Variants in EEF1AKMT3 observed in about 807,000 individuals in gnomAD.
The protein encoded by EEF1AKMT3 is eEF1A-KMT3.
Under a neutral mutation model 17.8 loss-of-function variants are expected in EEF1AKMT3, and 17 were observed. The observed-to-expected ratio is 0.96, with a 90% confidence interval of 0.65 to 1.43. The LOEUF (loss-of-function observed/expected upper bound fraction) is 1.43. Among genes scored for constraint, EEF1AKMT3 ranks in the 40% most tolerant of loss-of-function variants. EEF1AKMT3 has a pLI of 0.00. For missense variants in EEF1AKMT3, 244 were observed against 285.8 expected, an observed-to-expected ratio of 0.85 and a Z score of 1.06; for synonymous variants, 116 against 126.5, an observed-to-expected ratio of 0.92 and a Z score of 0.56.
chr12:57,773,450 G>A (rs1441980174), intron 2 of EEF1AKMT3, among the ~76,000 whole-genome samples: 1 of 150,984 alleles, frequency 6.6e-6, no homozygotes, highest in Non-Finnish European at 1.5e-5. Context: ...TTTTTGAGAC[G>A]GAGTCTCACT....
rs1033323624 is a variant in EEF1AKMT3, at chr12:57,778,107, T to G, written c.290-2148T>G. 2.6e-5 allele frequency among the ~76,000 whole-genome samples: 4 copies of G among 151,612 alleles called. 1 individual carries two copies. The highest frequency in any genetic ancestry group is 5.9e-5 in the Non-Finnish European group (4 of 67,936). On this transcript the variant is annotated intron_variant, in intron 2 of 2. Coordinates refer to ENST00000300209, the MANE Select transcript of EEF1AKMT3 (RefSeq NM_015433.3). ...CTCCAGACTTGCTTGCATAACCTAG[T>G]GCCTACTCAGTATCTTCATGTGGTT...
At position 57,780,568 on chromosome 12, in the gene EEF1AKMT3, A is replaced by G. The variant is rs963689903; in HGVS notation, c.603A>G (p.Gln201=). 9.9e-6 allele frequency: 16 copies of G among 1,613,758 alleles called. No individual in the cohort carries two copies. Among genetic ancestry groups the G allele is most frequent in the African/African-American group, 1.3e-5 (1 of 74,910 alleles). Residue 201 remains glutamine (Q), a synonymous_variant, in exon 3 of 3, where the codon CAA becomes CAG. Transcript: ENST00000300209. ...AGCACCTCCTGCCCCAGCATTTCCA[A>G]CTGGAGCTGGCTCAGCGGGATGAGG... The part of the protein sequence containing the change: ...FFQHLLPQHF[Q]LELAQRDEDE...
rs1314298730 is a variant in EEF1AKMT3, at chr12:57,781,740, C to T, written c.*1094C>T. 1 of 151,986 alleles carries T rather than the reference C, an allele frequency of 6.6e-6. No individual in the cohort carries two copies. The highest frequency in any genetic ancestry group is 2.4e-5 in the African/African-American group (1 of 41,324). The allele number at this position is 151,986 out of a possible 1,614,324, so 9.4% of individuals were successfully genotyped here. A position where few individuals can be genotyped will look rare whatever the true frequency, so the allele number is the denominator to read the frequency against. On this transcript the variant is annotated 3_prime_UTR_variant, in exon 3 of 3. Transcript: ENST00000300209. ...TAACACAGTTCCTAATGTGTTTTGC[C>T]TTAACCTCTTTTCTCTTCCCACATT...
At chr12:57,773,262 T>TAAAAA in intron 2 of EEF1AKMT3, 134 bp downstream of exon 2, 2 of 836,526 alleles carry the variant, frequency 2.4e-6, no homozygotes, top group Non-Finnish European at 3.7e-6. Context: ...AATTTTTTTT[T>TAAAAA]AAAATTTGTT....
chr12:57,777,250 A>G (rs1955486041), intron 2 of EEF1AKMT3, among the ~76,000 whole-genome samples: 1 of 152,206 alleles, frequency 6.6e-6, no homozygotes, highest in South Asian at 2.1e-4. Context: ...TAAAATGCAT[A>G]TAAATATGCT....
chr12:57,775,341 T>C (rs1483322785), intron 2 of EEF1AKMT3, among the ~76,000 whole-genome samples: 1 of 151,786 alleles, frequency 6.6e-6, no homozygotes, highest in African/African-American at 2.4e-5. Flanking sequence ...TCCCCTCACA[T>C]TCCAGCAATC....
intron 2 of EEF1AKMT3, among the ~76,000 whole-genome samples, chr12:57,773,804 C>T (rs1463495024): frequency 6.6e-6 from 1 of 152,196 alleles, no homozygotes; most frequent in African/African-American, 2.4e-5. Flanking sequence ...TCAAGATGCA[C>T]ATATGGGGGT....
intron 2 of EEF1AKMT3, among the ~76,000 whole-genome samples, chr12:57,777,944 G>C (rs973764209): frequency 6.6e-6 from 1 of 151,608 alleles, no homozygotes; most frequent in African/African-American, 2.4e-5. Flanking sequence ...GCTTAAACCT[G>C]GGAGGCGGAG....
chr12:57,779,666 G>A (rs1955500351), intron 2 of EEF1AKMT3, among the ~76,000 whole-genome samples: 3 of 83,146 alleles, frequency 3.6e-5, no homozygotes, highest in Admixed American at 1.2e-4. Context: ...ATCTTCACCC[G>A]TTTCTGCCCT....
At chr12:57,775,496 C>T (rs1022447199) in intron 2 of EEF1AKMT3, among the ~76,000 whole-genome samples, 1 of 152,088 alleles carries the variant, frequency 6.6e-6, no homozygotes, top group Non-Finnish European at 1.5e-5. Flanking sequence ...ATTCTCCTGC[C>T]TCAGCCTCCC....
At chr12:57,775,846 A>G (rs1475447182) in intron 2 of EEF1AKMT3, among the ~76,000 whole-genome samples, 2 of 152,138 alleles carry the variant, frequency 1.3e-5, no homozygotes, top group African/African-American at 4.8e-5. Context: ...TGGGAAACCT[A>G]GACATCACCT....
intron 2 of EEF1AKMT3, among the ~76,000 whole-genome samples, chr12:57,778,005 G>A (rs1193557624): frequency 6.8e-6 from 1 of 146,444 alleles, no homozygotes; most frequent in Admixed American, 6.9e-5. Context: ...GGCAACAAGT[G>A]CGAGACTCCA....
Position 57,772,713 on chromosome 12 carries a change from T to G in EEF1AKMT3, c.-12T>G, listed in dbSNP as rs965554490. ...CCGGCCGCGGTGCCCAGGCACTCCC[T>G]TGGCGGGCCGGATGGCGGACCCCGG... On this transcript the variant is annotated 5_prime_UTR_variant, in exon 1 of 3. Transcript: ENST00000300209. The surrounding 1 kb of genome is among the most constrained non-coding windows in gnomAD (Gnocchi z 4.1). 40 of 1,610,216 alleles carry G rather than the reference T, an allele frequency of 2.5e-5. No individual in the cohort carries two copies. The highest frequency in any genetic ancestry group is 3.2e-5 in the Non-Finnish European group (38 of 1,177,990).
At chr12:57,777,692 C>T (rs1340327590) in intron 2 of EEF1AKMT3, among the ~76,000 whole-genome samples, 1 of 152,194 alleles carries the variant, frequency 6.6e-6, no homozygotes, top group African/African-American at 2.4e-5. Context: ...TTGTCTACCT[C>T]ACTCCTGAGC....
chr12:57,776,842 G>A (rs977657311), intron 2 of EEF1AKMT3, among the ~76,000 whole-genome samples: 9 of 151,940 alleles, frequency 5.9e-5, no homozygotes, highest in African/African-American at 2.2e-4. Flanking sequence ...GTAGAGATGG[G>A]GTTTCACCAT....
rs370770818 is a variant in EEF1AKMT3 at position 57,780,394 on chromosome 12, C to G, written c.429C>G (p.Asn143Lys). The G allele has an allele frequency of 2.9e-5, 47 of 1,614,128 alleles. No homozygotes were observed. Among genetic ancestry groups the G allele is most frequent in the Non-Finnish European group, 3.9e-5 (46 of 1,180,052 alleles). The change falls in exon 3 of 3, where the codon AAC becomes AAG. Residue 143 changes from asparagine to lysine, a missense_variant. Coordinates refer to ENST00000300209, the MANE Select transcript of EEF1AKMT3 (RefSeq NM_015433.3). Reference protein sequence around the residue: ...WGIDHHVFPANYDLVLGADIV... With the variant: ...WGIDHHVFPAKYDLVLGADIV... ...TTGACCATCATGTCTTCCCTGCAAA[C>G]TATGACCTGGTGCTGGGGGCTGATA... is the stretch of plus-strand genomic sequence containing the variant.
chr12:57,773,376 C>G (rs1469570713), intron 2 of EEF1AKMT3, among the ~76,000 whole-genome samples: 2 of 151,764 alleles, frequency 1.3e-5, no homozygotes, highest in Non-Finnish European at 2.9e-5. Flanking sequence ...AAAACTCAGG[C>G]AGGCCTATAA....
intron 2 of EEF1AKMT3, among the ~76,000 whole-genome samples, chr12:57,775,973 C>T (rs187040055): frequency 5.9e-5 from 9 of 152,318 alleles, no homozygotes; most frequent in African/African-American, 1.7e-4. Flanking sequence ...CAAACCACCA[C>T]GATCACTTGC....
intron 2 of EEF1AKMT3, among the ~76,000 whole-genome samples, chr12:57,778,292 G>GTTTTTTTTTTTT (rs78304489): frequency 4.3e-4 from 1 of 2,302 alleles, no homozygotes; most frequent in Non-Finnish European, 8.7e-4. Flanking sequence ...ACCATCCTGA[G>GTTTTTTTTTTTT]CTTTTTTTTT....
Sources: allele counts gnomAD v4.1 joint callset (sites outside exome capture counted in the v4.1 genomes callset), GRCh38; gene constraint gnomAD v4.1.1; non-coding constraint Gnocchi (gnomAD v3.1); transcripts MANE v1.5; gene names NCBI Gene and HGNC (gene_info 2026-07-23, HGNC 2026-07-21).